TEX11: variants seen among roughly 807,000 people sequenced by gnomAD.
The protein encoded by TEX11 is testis expressed 11.
TEX11 carries 7 observed loss-of-function variants against 84.4 expected under a neutral mutation model. The observed-to-expected ratio is 0.08, with a 90% confidence interval of 0.05 to 0.16. TEX11 has a LOEUF of 0.16. TEX11 is among the 10% of genes least tolerant of loss of function. TEX11 has a pLI of 1.00. For synonymous variants in TEX11, 264 were observed against 222.8 expected, an observed-to-expected ratio of 1.18 and a Z score of -1.64; for missense variants, 551 against 660.5, an observed-to-expected ratio of 0.83 and a Z score of 1.82.
chrX:70,695,524 TTTATTATCCTGA>T (rs1466436041), intron 13 of TEX11, among the ~76,000 whole-genome samples: 3 of 112,187 alleles, frequency 2.7e-5, no homozygotes, highest in Non-Finnish European at 5.6e-5. Flanking sequence ...GGTAAATATG[TTTATTATCCTGA>T]TTGCGATAAT....
rs1261045243 is a variant in TEX11, at chrX:70,750,679, C to A, written c.693-6460G>T. 7.1e-5 allele frequency among the ~76,000 whole-genome samples: 7 copies of A among 98,217 alleles called. 1 individual carries two copies. Among genetic ancestry groups the A allele is most frequent in the African/African-American group, 2.6e-4 (7 of 27,146 alleles). The allele number at this position is 98,217 out of a possible 115,157, so 85.3% of individuals were successfully genotyped here. A position where few individuals can be genotyped will look rare whatever the true frequency, so the allele number is the denominator to read the frequency against. ...AGTAAACTATCGCAAGAACAAAAAA[C>A]CAAACACCGCATATTCTCACTCATA... On this transcript the variant is annotated intron_variant, in intron 9 of 29. Transcript: ENST00000374333.
At chrX:70,906,426 T>C (rs1366024865) in intron 2 of TEX11, among the ~76,000 whole-genome samples, 1 of 109,716 alleles carries the variant, frequency 9.1e-6, no homozygotes, top group African/African-American at 3.3e-5. Flanking sequence ...CTTTATACCT[T>C]TAAGATATTT....
chrX:70,790,982 G>A (rs1334447881), intron 9 of TEX11, among the ~76,000 whole-genome samples: 1 of 111,769 alleles, frequency 8.9e-6, no homozygotes, highest in African/African-American at 3.3e-5. Flanking sequence ...GGGTACATGT[G>A]CACAACATGC....
intron 11 of TEX11, among the ~76,000 whole-genome samples, chrX:70,730,406 C>G (rs1275256825): frequency 9.0e-6 from 1 of 111,468 alleles, no homozygotes; most frequent in African/African-American, 3.3e-5. Context: ...TTCAGGAAAC[C>G]CATCTCACGT....
chrX:70,704,880 T>A (rs1373411918), intron 13 of TEX11, among the ~76,000 whole-genome samples: 1 of 111,856 alleles, frequency 8.9e-6, no homozygotes, highest in Non-Finnish European at 1.9e-5. Flanking sequence ...CATGCCTATG[T>A]CCTGAATGGT....
At chrX:70,710,339 A>T (rs1277378809) in intron 13 of TEX11, among the ~76,000 whole-genome samples, 1 of 111,665 alleles carries the variant, frequency 9.0e-6, no homozygotes, top group Non-Finnish European at 1.9e-5. Context: ...TTTTAAATAG[A>T]TACAAAATTC....
intron 17 of TEX11, among the ~76,000 whole-genome samples, chrX:70,642,155 A>G (rs2089668646): frequency 8.9e-6 from 1 of 111,961 alleles, no homozygotes; most frequent in Admixed American, 9.5e-5. Flanking sequence ...ATGCAAATAA[A>G]CTAGAAAATC....
Position 70,585,069 on chromosome X carries a change from G to A in TEX11, c.2140+6682C>T, listed in dbSNP as rs564111212. On this transcript the variant is annotated intron_variant, in intron 25 of 29. Coordinates refer to ENST00000374333, the MANE Select transcript of TEX11 (RefSeq NM_031276.3). ...ATTAGGCAACAAAGAGAAACAAAAG[G>A]CATCCAAAGTAAAAAGAAAGAAGTG... is the stretch of plus-strand genomic sequence containing the variant. Among the ~76,000 whole-genome samples the A allele has an allele frequency of 3.7e-4, 41 of 111,625 alleles. 1 individual carries two copies. The South Asian group carries it at 0.014, about 37-fold the overall frequency.
intron 7 of TEX11, among the ~76,000 whole-genome samples, chrX:70,842,980 G>A (rs1219367905): frequency 1.8e-5 from 2 of 111,434 alleles, no homozygotes; most frequent in African/African-American, 6.5e-5. Context: ...AAATAAAAGA[G>A]GATACAAACA....
chrX:70,764,576 C>T (rs1260970410), intron 9 of TEX11, among the ~76,000 whole-genome samples: 5 of 111,462 alleles, frequency 4.5e-5, no homozygotes, highest in African/African-American at 1.3e-4. Context: ...ATTGACAAAA[C>T]TTTAGCCAGA....
At chrX:70,553,692 C>T (rs779930331) in intron 26 of TEX11, among the ~76,000 whole-genome samples, 8 of 111,314 alleles carry the variant, frequency 7.2e-5, no homozygotes, top group Non-Finnish European at 1.9e-5. Flanking sequence ...CACAGTCATA[C>T]AGGTGAAGCA....
intron 2 of TEX11, among the ~76,000 whole-genome samples, chrX:70,890,909 G>A (rs1264983498): frequency 1.8e-5 from 2 of 112,409 alleles, no homozygotes; most frequent in African/African-American, 6.4e-5. Flanking sequence ...TCCTCAAGTG[G>A]GTCCCTGACC....
intron 7 of TEX11, among the ~76,000 whole-genome samples, chrX:70,844,275 G>A: frequency 9.1e-6 from 1 of 109,874 alleles, no homozygotes; most frequent in East Asian, 2.9e-4. Flanking sequence ...GGAATACTAT[G>A]CAGCCATAAA....
At chrX:70,558,829 A>G (rs1443563265) in intron 25 of TEX11, among the ~76,000 whole-genome samples, 3 of 112,175 alleles carry the variant, frequency 2.7e-5, no homozygotes. Flanking sequence ...ATTGGTCATC[A>G]GGAAAATTAG....
chrX:70,719,860 T>C (rs2090541297), intron 13 of TEX11, among the ~76,000 whole-genome samples: 1 of 110,988 alleles, frequency 9.0e-6, no homozygotes, highest in Non-Finnish European at 1.9e-5. Flanking sequence ...CATTAAAAAG[T>C]CAGGAAACAA....
At chrX:70,692,661 G>A (rs1245319767) in intron 13 of TEX11, among the ~76,000 whole-genome samples, 5 of 109,058 alleles carry the variant, frequency 4.6e-5, no homozygotes, top group Non-Finnish European at 9.5e-5. Context: ...ATACGTTTGC[G>A]TGTGTGTATA....
the TEX11 span, among the ~76,000 whole-genome samples, chrX:70,523,133 A>G: frequency 1.8e-5 from 2 of 111,553 alleles, no homozygotes; most frequent in East Asian, 5.6e-4. Flanking sequence ...AAATGCCAAT[A>G]GTACCACAGG....
At chrX:70,645,549 GA>G (rs201930662) in intron 17 of TEX11, among the ~76,000 whole-genome samples, 2 of 108,901 alleles carry the variant, frequency 1.8e-5, no homozygotes, top group Non-Finnish European at 3.8e-5. Flanking sequence ...CAGAGGCAAT[GA>G]AAAAAAATTT....
intron 17 of TEX11, among the ~76,000 whole-genome samples, chrX:70,633,386 C>A (rs1258106497): frequency 9.0e-6 from 1 of 111,490 alleles, no homozygotes; most frequent in African/African-American, 3.3e-5. Flanking sequence ...AATGGAACTC[C>A]CTCAACCTGA....
Sources: allele counts gnomAD v4.1 joint callset (sites outside exome capture counted in the v4.1 genomes callset), GRCh38; gene constraint gnomAD v4.1.1; transcripts MANE v1.5; gene names NCBI Gene and HGNC (gene_info 2026-07-23, HGNC 2026-07-21).